Variants in METTL8 observed in about 807,000 individuals in gnomAD.
METTL8 encodes tRNA N(3)-cytidine methyltransferase METTL8, mitochondrial.
Under a neutral mutation model 48.7 loss-of-function variants are expected in METTL8, and 32 were observed. The observed-to-expected ratio is 0.66, with a 90% CI of 0.50 to 0.88. METTL8 has a LOEUF of 0.88. METTL8 is among the 40% of genes least tolerant of loss of function. The pLI, the probability that METTL8 is intolerant of heterozygous loss-of-function variation, is 0.00. For missense variants in METTL8, 464 were observed against 474.4 expected (o/e 0.98, Z 0.20); for synonymous variants, 136 against 157.1 (o/e 0.87, Z 1.01).
In METTL8 at chr2:171,425,791, A is replaced by G. The variant is rs923832482; in HGVS notation, c.-13+8092T>C. ...GGTAATTTGTTATACAGCAAAAGAA[A>G]ACTAACGCATTCTTTAACGTGTGCC... On this transcript the variant is annotated intron_variant, in intron 1 of 9. Transcript: ENST00000375258. Among the ~76,000 whole-genome samples, 9 of 152,196 alleles carry G rather than the reference A, an allele frequency of 5.9e-5. No homozygotes were observed. The South Asian group carries it at 1.9e-3, about 32-fold the overall frequency.
chr2:171,396,851 CT>C (rs538433167), intron 1 of METTL8, among the ~76,000 whole-genome samples: 1,822 of 141,138 alleles, frequency 0.013, 26 homozygotes, highest in African/African-American at 0.037. Context: ...CAGCTTCTAT[CT>C]TTTTTTTTTT....
intron 3 of METTL8, among the ~76,000 whole-genome samples, chr2:171,358,393 C>T (rs1684813770): frequency 6.7e-6 from 1 of 150,338 alleles, no homozygotes; most frequent in African/African-American, 2.4e-5. Context: ...AGGCATCATA[C>T]TACCTGACTT....
At chr2:171,342,683 G>T (rs1275345287) in intron 3 of METTL8, among the ~76,000 whole-genome samples, 1 of 151,998 alleles carries the variant, frequency 6.6e-6, no homozygotes, top group Non-Finnish European at 1.5e-5. Context: ...ACAAAAAGCA[G>T]CCATCTAAGA....
chr2:171,389,759 A>G (rs1688416771), intron 2 of METTL8, among the ~76,000 whole-genome samples: 1 of 152,188 alleles, frequency 6.6e-6, no homozygotes, highest in African/African-American at 2.4e-5. Flanking sequence ...AGGTTGGTTC[A>G]TGAGGTTTAA....
chr2:171,389,398 T>C (rs888718086), intron 2 of METTL8, among the ~76,000 whole-genome samples: 1 of 151,174 alleles, frequency 6.6e-6, no homozygotes, highest in Non-Finnish European at 1.5e-5. Flanking sequence ...TGAATGCCTA[T>C]AGTCCCAGCT....
intron 3 of METTL8, among the ~76,000 whole-genome samples, chr2:171,340,347 T>A (rs1575759815): frequency 6.8e-6 from 1 of 147,408 alleles, no homozygotes; most frequent in African/African-American, 2.5e-5. Context: ...ACTAAAAAAA[T>A]AAAAATTAGC....
intron 2 of METTL8, among the ~76,000 whole-genome samples, chr2:171,376,835 G>C (rs1687018531): frequency 6.6e-6 from 1 of 151,898 alleles, no homozygotes; most frequent in African/African-American, 2.4e-5. Flanking sequence ...ATTCTTCAAA[G>C]AAAAAACATT....
intron 2 of METTL8, among the ~76,000 whole-genome samples, chr2:171,364,175 C>G (rs1401953931): frequency 6.6e-6 from 1 of 152,042 alleles, no homozygotes; most frequent in Non-Finnish European, 1.5e-5. Context: ...GGTGAAGATT[C>G]TAAGTGGTGA....
chr2:171,336,417 T>G (rs1686113647), intron 5 of METTL8, among the ~76,000 whole-genome samples: 1 of 147,882 alleles, frequency 6.8e-6, no homozygotes, highest in African/African-American at 2.5e-5. Context: ...TTTTTTTTTT[T>G]TTTAGACGGA....
chr2:171,338,735 G>C (rs113869235), intron 4 of METTL8, among the ~76,000 whole-genome samples: 1 of 151,788 alleles, frequency 6.6e-6, no homozygotes, highest in African/African-American at 2.4e-5. Context: ...CTCCTTGTTA[G>C]CAAATTTTCT....
intron 2 of METTL8, among the ~76,000 whole-genome samples, chr2:171,367,452 A>C (rs560327906): frequency 6.6e-6 from 1 of 152,260 alleles, no homozygotes; most frequent in South Asian, 2.1e-4. Context: ...TCAAATTTGT[A>C]AAATAAAGAC....
chr2:171,414,904 G>A (rs1456488329), intron 1 of METTL8, among the ~76,000 whole-genome samples: 2 of 152,002 alleles, frequency 1.3e-5, no homozygotes, highest in South Asian at 2.1e-4. Context: ...TACTATTCTC[G>A]TGGTAGTGAA....
chr2:171,423,486 G>C (rs543534940), intron 1 of METTL8, among the ~76,000 whole-genome samples: 1 of 152,280 alleles, frequency 6.6e-6, no homozygotes, highest in African/African-American at 2.4e-5. Context: ...GAACTTCCTA[G>C]AGACCTGTTA....
At chr2:171,339,843 C>A (rs1203679435) in intron 3 of METTL8, among the ~76,000 whole-genome samples, 1 of 152,158 alleles carries the variant, frequency 6.6e-6, no homozygotes, top group Non-Finnish European at 1.5e-5. Context: ...TCACTGCAAA[C>A]AACTTTCTAA....
chr2:171,339,561 T>C lies in METTL8; in HGVS notation c.236-7A>G, dbSNP rs1355379660. 3 of 1,419,592 alleles carry C rather than the reference T, an allele frequency of 2.1e-6. No individual in the cohort carries two copies. The allele number at this position is 1,419,592 out of a possible 1,614,324, so 87.9% of individuals were successfully genotyped here. ...GCTTCTCTCTCATACTTAACTAAAA[T>C]AAAGAGGAAAAAGAAAGATTTATTT... On this transcript the variant is annotated splice_region_variant and splice_polypyrimidine_tract_variant and intron_variant, in intron 3 of 9. Coordinates refer to ENST00000375258, the MANE Select transcript of METTL8 (RefSeq NM_001321154.2).
chr2:171,326,131 T>C lies in METTL8; in HGVS notation c.878A>G (p.Asn293Ser), dbSNP rs1343178474. The C allele has an allele frequency of 1.3e-6, 2 of 1,538,766 alleles. No homozygotes were observed. Among genetic ancestry groups the C allele is most frequent in the African/African-American group, 1.4e-5 (1 of 72,690 alleles). ...AGGTTTCAGTAACTTGGACAGTCGG[T>C]TTACAACACCTTGCATCCTTTGGAA... ...IHPDRMQGVV[N>S]RLSKLLKPGG... The change falls in exon 8 of 10, where the codon AAC (asparagine) becomes AGC (serine). Residue 293 changes from asparagine (N) to serine (S), a missense_variant. Physicochemically the swap from Asn to Ser is conservative, Grantham distance 46 (BLOSUM62 1). Transcript: ENST00000375258.
Position 171,367,723 on chromosome 2 carries a change from T to C in METTL8, c.144-7210A>G, listed in dbSNP as rs566140697. Among the ~76,000 whole-genome samples, 9 of 152,304 alleles carry C rather than the reference T, an allele frequency of 5.9e-5. No homozygotes were observed. The East Asian group carries it at 1.7e-3, about 29-fold the overall frequency. On this transcript the variant is annotated intron_variant, in intron 2 of 9. Coordinates refer to ENST00000375258, the MANE Select transcript of METTL8 (RefSeq NM_001321154.2). ...TGATTATAGCATTTACATATAGAGGTAAACTGTATGACAACAATATCACAA... is the reference window on the plus strand; with the variant it reads ...TGATTATAGCATTTACATATAGAGGCAAACTGTATGACAACAATATCACAA...
chr2:171,417,364 T>C (rs1691418937), intron 1 of METTL8, among the ~76,000 whole-genome samples: 1 of 152,206 alleles, frequency 6.6e-6, no homozygotes, highest in Non-Finnish European at 1.5e-5. Flanking sequence ...CAGTGAAATT[T>C]AGCCATAATC....
chr2:171,434,216 T>TA (rs1693566034), upstream of METTL8: 1 of 427,308 alleles, frequency 2.3e-6, no homozygotes, highest in African/African-American at 2.1e-5. Context: ...ACGGGAATTG[T>TA]AGTTCCTGGG....
Sources: allele counts gnomAD v4.1 joint callset (sites outside exome capture counted in the v4.1 genomes callset), GRCh38; gene constraint gnomAD v4.1.1; transcripts MANE v1.5; gene names NCBI Gene and HGNC (gene_info 2026-07-23, HGNC 2026-07-21).